Variants in ROBO1 observed in about 807,000 individuals in gnomAD.
The protein encoded by ROBO1 is roundabout homolog 1.
Under a neutral mutation model 195.9 loss-of-function variants are expected in ROBO1, and 149 were observed. The observed-to-expected ratio is 0.76, with a 90% confidence interval of 0.67 to 0.87. The LOEUF (loss-of-function observed/expected upper bound fraction) is 0.87. ROBO1 is among the 40% of genes least tolerant of loss of function. The pLI is 0.00. For missense variants in ROBO1, 1,933 were observed against 2,068.3 expected (o/e 0.93, Z 1.27); for synonymous variants, 816 against 733.2 (o/e 1.11, Z -1.82).
At chr3:78,740,506 T>C (rs1236458694) in intron 5 of ROBO1, among the ~76,000 whole-genome samples, 1 of 151,264 alleles carries the variant, frequency 6.6e-6, no homozygotes, top group Non-Finnish European at 1.5e-5. Flanking sequence ...GGTTTCACTC[T>C]TGTTGCCCAG....
At chr3:79,134,748 T>A (rs2080366069) in intron 2 of ROBO1, among the ~76,000 whole-genome samples, 1 of 70,176 alleles carries the variant, frequency 1.4e-5, no homozygotes, top group Non-Finnish European at 2.7e-5. Context: ...GGGACATGGA[T>A]GAAATTGGAA....
chr3:78,839,481 TGC>T (rs1312170349), intron 4 of ROBO1, among the ~76,000 whole-genome samples: 1 of 151,664 alleles, frequency 6.6e-6, no homozygotes, highest in South Asian at 2.1e-4. Flanking sequence ...TTTACTATGA[TGC>T]TCCATTGATA....
chr3:78,653,335 C>A (rs1159256583), intron 18 of ROBO1, among the ~76,000 whole-genome samples: 1 of 152,144 alleles, frequency 6.6e-6, no homozygotes, highest in Non-Finnish European at 1.5e-5. Flanking sequence ...TTACTTGACT[C>A]ACCCCAGTGA....
At chr3:79,491,187 A>G (rs960087125) in intron 2 of ROBO1, among the ~76,000 whole-genome samples, 6 of 140,240 alleles carry the variant, frequency 4.3e-5, no homozygotes, top group African/African-American at 1.3e-4. Flanking sequence ...GCTTGGGGGG[A>G]AAAATGGAAG....
At chr3:79,398,804 A>G (rs1257244637) in intron 2 of ROBO1, among the ~76,000 whole-genome samples, 1 of 152,108 alleles carries the variant, frequency 6.6e-6, no homozygotes, top group Non-Finnish European at 1.5e-5. Flanking sequence ...AACTTTTTTA[A>G]AAAAGGTTAT....
At chr3:78,620,217 T>G (rs1343018518) in intron 26 of ROBO1, among the ~76,000 whole-genome samples, 2 of 151,462 alleles carry the variant, frequency 1.3e-5, no homozygotes, top group Non-Finnish European at 2.9e-5. Flanking sequence ...GCATGGGAGT[T>G]TTTTGAAGAA....
chr3:79,085,636 G>A (rs559143984), intron 3 of ROBO1, among the ~76,000 whole-genome samples: 1 of 152,256 alleles, frequency 6.6e-6, no homozygotes, highest in South Asian at 2.1e-4. Flanking sequence ...CAATTTTTGT[G>A]TCAATAGCAC....
chr3:79,193,660 A>C (rs1046648623), intron 2 of ROBO1, among the ~76,000 whole-genome samples: 3 of 135,994 alleles, frequency 2.2e-5, no homozygotes, highest in Non-Finnish European at 3.0e-5. Context: ...ATTATTCCCT[A>C]CCTTTCTCTG....
chr3:78,666,564 T>C (rs1470383212), intron 14 of ROBO1, among the ~76,000 whole-genome samples: 1 of 152,178 alleles, frequency 6.6e-6, no homozygotes, highest in Non-Finnish European at 1.5e-5. Flanking sequence ...GTGTATCTAA[T>C]ATCAAAAACC....
At chr3:78,978,015 T>G (rs550227905) in intron 3 of ROBO1, among the ~76,000 whole-genome samples, 65 of 152,354 alleles carry the variant, frequency 4.3e-4, no homozygotes, top group African/African-American at 1.6e-3. Flanking sequence ...ATAAACTGCA[T>G]GTATTCAAAT....
At position 78,670,232 on chromosome 3, in the gene ROBO1, G is replaced by A. The variant is rs373754747; in HGVS notation, c.1412C>T (p.Thr471Ile). Residue 471 changes from threonine to isoleucine, a missense_variant, in exon 11 of 31, where the codon ACT (threonine) becomes ATT (isoleucine). Around this residue, in one of 3 missense-constraint regions of ROBO1, gnomAD observed 1,737 missense variants for 1,882.5 expected, o/e 0.92. Coordinates refer to ENST00000464233, the MANE Select transcript of ROBO1 (RefSeq NM_002941.4). ...TGTGGCCACACAGCTGAGGACGAAAGTGCCATCCACGGCTACAGTCTGATT... is the reference window on the plus strand; with the variant it reads ...TGTGGCCACACAGCTGAGGACGAAAATGCCATCCACGGCTACAGTCTGATT... ...PVNQTVAVDGTFVLSCVATGS... is the reference protein window; with the variant it reads ...PVNQTVAVDGIFVLSCVATGS... 31 of 1,603,554 alleles carry A rather than the reference G, an allele frequency of 1.9e-5. No individual in the cohort carries two copies. The highest frequency in any genetic ancestry group is 3.4e-5 in the Admixed American group (2 of 58,516).
At chr3:79,559,647 G>T (rs879868203) in intron 2 of ROBO1, among the ~76,000 whole-genome samples, 2 of 152,082 alleles carry the variant, frequency 1.3e-5, no homozygotes, top group Non-Finnish European at 2.9e-5. Flanking sequence ...GGCTGGGTGC[G>T]GTGGCTCACA....
At chr3:78,745,773 C>T (rs1416974534) in intron 5 of ROBO1, among the ~76,000 whole-genome samples, 1 of 152,202 alleles carries the variant, frequency 6.6e-6, no homozygotes, top group Non-Finnish European at 1.5e-5. Flanking sequence ...CTTTCAAGGT[C>T]TCTAACACCT....
intron 2 of ROBO1, among the ~76,000 whole-genome samples, chr3:79,282,520 T>C (rs1011737141): frequency 2.6e-5 from 4 of 152,150 alleles, no homozygotes; most frequent in Non-Finnish European, 4.4e-5. Context: ...GCAAATGAAT[T>C]TGTAAAACAT....
At chr3:79,385,630 C>G (rs185059748) in intron 2 of ROBO1, among the ~76,000 whole-genome samples, 2 of 152,222 alleles carry the variant, frequency 1.3e-5, no homozygotes, top group Admixed American at 6.5e-5. Context: ...CTTGCTAACA[C>G]CCCTAGGCTG....
At chr3:78,638,183 G>A (rs1363003890) in intron 22 of ROBO1, among the ~76,000 whole-genome samples, 3 of 143,462 alleles carry the variant, frequency 2.1e-5, no homozygotes, top group South Asian at 2.1e-4. Context: ...GTGTGTGTGT[G>A]TATATATATG....
chr3:79,730,897 C>A (rs890275282), intron 1 of ROBO1, among the ~76,000 whole-genome samples: 2 of 151,210 alleles, frequency 1.3e-5, no homozygotes, highest in Non-Finnish European at 2.9e-5. Flanking sequence ...CCTGCCTCAG[C>A]CTTCCAAGTA....
chr3:78,904,639 G>C (rs1436927035), intron 4 of ROBO1, among the ~76,000 whole-genome samples: 1 of 149,652 alleles, frequency 6.7e-6, no homozygotes, highest in East Asian at 1.9e-4. Context: ...AATCATCCAA[G>C]AGAACTCAAG....
At chr3:79,112,939 A>C (rs999077382) in intron 3 of ROBO1, among the ~76,000 whole-genome samples, 1 of 152,132 alleles carries the variant, frequency 6.6e-6, no homozygotes, top group Admixed American at 6.5e-5. Context: ...AAATAGAAAA[A>C]AATTGAGATG....
Sources: gnomAD v4.1 joint callset for allele counts (sites outside exome capture counted in the v4.1 genomes callset) on GRCh38, gnomAD v4.1.1 for gene constraint, gnomAD v4.1.1 regional missense constraint, MANE v1.5 for transcripts, NCBI Gene and HGNC (gene_info 2026-07-23, HGNC 2026-07-21) for gene names.